PHACTR3: variants seen among roughly 807,000 people sequenced by gnomAD.
PHACTR3 encodes phosphatase and actin regulator 3.
PHACTR3 carries 16 observed loss-of-function variants against 66.8 expected under a neutral mutation model. The ratio of observed to expected loss-of-function variants is 0.24; its 90% CI spans 0.16 to 0.36. PHACTR3 has a LOEUF of 0.36. PHACTR3 is among the 10% of genes least tolerant of loss of function. The pLI is 1.00. For missense variants in PHACTR3, 647 were observed against 719.9 expected (o/e 0.90, Z 1.16); for synonymous variants, 323 against 292.1 (o/e 1.11, Z -1.08).
At position 59,666,606 on chromosome 20, in the gene PHACTR3, T is replaced by C. The variant is rs150532608; in HGVS notation, c.118+61474T>C. On this transcript the variant is annotated intron_variant, in intron 1 of 12. Coordinates refer to ENST00000371015, the MANE Select transcript of PHACTR3 (RefSeq NM_080672.5). ...GGAGAGAGAGAAAGGAAGAGAAAGATGGAGAGAGACAGAGACAGAGGAAGA... is the reference window on the plus strand; with the variant it reads ...GGAGAGAGAGAAAGGAAGAGAAAGACGGAGAGAGACAGAGACAGAGGAAGA... Among the ~76,000 whole-genome samples, 819 of 143,344 alleles carry C rather than the reference T, an allele frequency of 5.7e-3. 15 individuals are homozygous for C. The highest frequency in any genetic ancestry group is 0.02 in the African/African-American group (772 of 38,570). 94.0% of individuals were successfully genotyped at this position (143,344 alleles called of 152,430 possible).
At chr20:59,627,426 G>C (rs2034495851) in intron 1 of PHACTR3, among the ~76,000 whole-genome samples, 1 of 152,238 alleles carries the variant, frequency 6.6e-6, no homozygotes, top group Admixed American at 6.5e-5. Flanking sequence ...TGAGACAGAA[G>C]AGTCCTGGAT....
intron 1 of PHACTR3, among the ~76,000 whole-genome samples, chr20:59,705,753 G>A (rs1181905301): frequency 1.3e-5 from 2 of 152,182 alleles, no homozygotes; most frequent in Non-Finnish European, 2.9e-5. Context: ...CTTGTCTGTT[G>A]AACCTCTCAC....
At chr20:59,682,057 T>C (rs1318605738) in intron 1 of PHACTR3, among the ~76,000 whole-genome samples, 1 of 147,636 alleles carries the variant, frequency 6.8e-6, no homozygotes, top group East Asian at 2.1e-4. Context: ...TCAGGCCTCT[T>C]GGCTGGACGC....
intron 1 of PHACTR3, among the ~76,000 whole-genome samples, chr20:59,646,543 C>G (rs192188073): frequency 6.6e-6 from 1 of 152,212 alleles, no homozygotes; most frequent in Admixed American, 6.5e-5. Flanking sequence ...GCTTGTTTGT[C>G]AGTCCTTCCT....
At chr20:59,759,530 TA>T (rs1427827973) in intron 4 of PHACTR3, among the ~76,000 whole-genome samples, 1 of 152,190 alleles carries the variant, frequency 6.6e-6, no homozygotes, top group East Asian at 1.9e-4. Flanking sequence ...CCATGAAGGT[TA>T]AGAGCCTAGT....
rs866100104 is a variant in PHACTR3, at chr20:59,577,779, T to G, written c.109+162T>G. 1.1e-3 allele frequency among the ~76,000 whole-genome samples: 167 copies of G among 152,074 alleles called. 1 individual carries two copies. Among genetic ancestry groups the G allele is most frequent in the African/African-American group, 3.9e-3 (161 of 41,498 alleles). ...CAGCCACAGAGGTGGGCGCCCCGGG[T>G]CTCGGGCTTACCGCCCCCCTCCTCC... On this transcript the variant is annotated intron_variant, in intron 1 of 12. Transcript: ENST00000359926.
Position 59,682,347 on chromosome 20 carries a change from A to AAAAC in PHACTR3, c.119-60752_119-60749dup, listed in dbSNP as rs147445076. ...AGAGTGAGACTCTGTCTCAAAAACA[A>AAAAC]AAACAAACAAAACAAAAAAAAGGGA... On this transcript the variant is annotated intron_variant, in intron 1 of 12. Coordinates refer to ENST00000371015, the MANE Select transcript of PHACTR3 (RefSeq NM_080672.5). Among the ~76,000 whole-genome samples, 152 of 152,222 alleles carry AAAAC rather than the reference A, an allele frequency of 1.0e-3. 1 individual carries two copies. Among genetic ancestry groups the AAAAC allele is most frequent in the African/African-American group, 3.5e-3 (145 of 41,540 alleles).
intron 8 of PHACTR3, among the ~76,000 whole-genome samples, chr20:59,831,133 A>G (rs1313575901): frequency 1.3e-5 from 2 of 152,212 alleles, no homozygotes; most frequent in Admixed American, 6.5e-5. Context: ...ACTCGGAACC[A>G]GGAAGTGCCT....
Position 59,723,560 on chromosome 20 carries a change from G to A in PHACTR3, c.119-19547G>A, listed in dbSNP as rs190396957. On this transcript the variant is annotated intron_variant, in intron 1 of 12. Transcript: ENST00000371015. The stretch of plus-strand genomic sequence containing the variant: ...TGTCTATTATGAGTAGAGCTGCTGT[G>A]CATATTCACGTGCACATTTTTGTGT... 7.2e-5 allele frequency among the ~76,000 whole-genome samples: 11 copies of A among 152,236 alleles called. No homozygotes were observed. In the East Asian group the frequency reaches 2.1e-3, roughly 29 times the overall value.
At chr20:59,660,056 A>G in intron 1 of PHACTR3, among the ~76,000 whole-genome samples, 1 of 152,084 alleles carries the variant, frequency 6.6e-6, no homozygotes, top group South Asian at 2.1e-4. Flanking sequence ...CCCAGGATAG[A>G]TTTCTCTTGA....
chr20:59,822,428 G>A (rs969025726), intron 8 of PHACTR3, among the ~76,000 whole-genome samples: 1 of 150,860 alleles, frequency 6.6e-6, no homozygotes, highest in East Asian at 2.0e-4. Context: ...CAGCAGGCGT[G>A]GGGGAGGGGA....
intron 1 of PHACTR3, among the ~76,000 whole-genome samples, chr20:59,619,298 A>G (rs1263215217): frequency 6.6e-6 from 1 of 152,056 alleles, no homozygotes; most frequent in Non-Finnish European, 1.5e-5. Context: ...CTTCCTGGAG[A>G]TTGAGACTGG....
At chr20:59,659,576 T>G (rs1007466236) in intron 1 of PHACTR3, among the ~76,000 whole-genome samples, 2 of 152,034 alleles carry the variant, frequency 1.3e-5, no homozygotes, top group African/African-American at 4.8e-5. Flanking sequence ...TTTCACCATA[T>G]TGGCTAGGAT....
intron 8 of PHACTR3, among the ~76,000 whole-genome samples, chr20:59,832,817 A>T (rs962358601): frequency 9.2e-5 from 14 of 152,168 alleles, no homozygotes; most frequent in African/African-American, 3.4e-4. Context: ...GCGATCCCCA[A>T]TCATCCTCTG....
At chr20:59,816,546 T>C (rs1436600739) in intron 8 of PHACTR3, among the ~76,000 whole-genome samples, 1 of 152,202 alleles carries the variant, frequency 6.6e-6, no homozygotes, top group Non-Finnish European at 1.5e-5. Flanking sequence ...TCCTTTTCCT[T>C]AGCCTATTTC....
intron 1 of PHACTR3, among the ~76,000 whole-genome samples, chr20:59,613,383 G>A (rs1211489314): frequency 6.6e-6 from 1 of 152,212 alleles, no homozygotes; most frequent in African/African-American, 2.4e-5. Flanking sequence ...GCAGGACAAA[G>A]AGGGTAGGGA....
intron 3 of PHACTR3, among the ~76,000 whole-genome samples, chr20:59,750,227 G>A (rs1452949677): frequency 6.6e-6 from 1 of 151,498 alleles, no homozygotes; most frequent in Admixed American, 6.6e-5. Flanking sequence ...TTCTCGGGGG[G>A]CCGGGAGATG....
intron 1 of PHACTR3, among the ~76,000 whole-genome samples, chr20:59,661,860 T>C (rs2035816689): frequency 6.6e-6 from 1 of 151,886 alleles, no homozygotes; most frequent in African/African-American, 2.4e-5. Context: ...AAAAATGAAA[T>C]TTCTACTGGC....
chr20:59,767,317 G>T lies in PHACTR3; in HGVS notation c.673G>T (p.Val225Leu). Reference protein sequence around the residue: ...DSPPRPLERSVGQLPSPPLLP... With the variant: ...DSPPRPLERSLGQLPSPPLLP... Reference sequence around the variant, plus strand: ...TCCTCCCAGACCTCTGGAGAGATCCGTGGGCCAGCTCCCCAGCCCCCCACT... The same window carrying T: ...TCCTCCCAGACCTCTGGAGAGATCCTTGGGCCAGCTCCCCAGCCCCCCACT... The change falls in exon 5 of 13, where the codon GTG becomes TTG. Residue 225 changes from valine to leucine, a missense_variant. By Grantham distance (32) the Val-to-Leu change is conservative (BLOSUM62 1). This residue lies in a region of PHACTR3 where 577 missense variants were observed against 571.1 expected (regional missense o/e 1.01). Transcript: ENST00000371015. The T allele has an allele frequency of 6.2e-7, 1 of 1,614,168 alleles. No homozygotes were observed. Among genetic ancestry groups the T allele is most frequent in the Non-Finnish European group, 8.5e-7 (1 of 1,180,016 alleles).
Sources: gnomAD v4.1 joint callset for allele counts (sites outside exome capture counted in the v4.1 genomes callset) on GRCh38, gnomAD v4.1.1 for gene constraint, gnomAD v4.1.1 regional missense constraint, MANE v1.5 for transcripts, NCBI Gene and HGNC (gene_info 2026-07-23, HGNC 2026-07-21) for gene names.